Variants in MED14 observed in about 807,000 individuals in gnomAD.
The protein encoded by MED14 is mediator of RNA polymerase II transcription subunit 14.
MED14 carries 8 observed loss-of-function variants against 109.0 expected under a neutral mutation model. The observed-to-expected ratio is 0.07, with a 90% confidence interval of 0.04 to 0.13. MED14 has a LOEUF of 0.13. Among genes scored for constraint, MED14 ranks in the 10% least tolerant of loss-of-function variants. The pLI is 1.00. For missense variants in MED14, 711 were observed against 1,142.4 expected, an observed-to-expected ratio of 0.62 and a Z score of 5.44; for synonymous variants, 399 against 408.7, an observed-to-expected ratio of 0.98 and a Z score of 0.29.
chrX:40,657,283 C>T (rs1008636922), intron 28 of MED14, among the ~76,000 whole-genome samples: 3 of 111,795 alleles, frequency 2.7e-5, no homozygotes, highest in Non-Finnish European at 5.6e-5. Flanking sequence ...ATGATCTTAT[C>T]TGAAAACCAG....
rs1019189580 is a variant in MED14, at chrX:40,680,773, C to G, written c.2595G>C (p.Val865=). The G allele has an allele frequency of 8.3e-7, 1 of 1,201,390 alleles. No homozygotes were observed. Among genetic ancestry groups the G allele is most frequent in the African/African-American group, 1.7e-5 (1 of 57,309 alleles). Reference sequence around the variant, plus strand: ...ACTTAATTACCTGTAATAACTGAACCACATTTGGTGTTTTGTTGAACATTT... The same window carrying G: ...ACTTAATTACCTGTAATAACTGAACGACATTTGGTGTTTTGTTGAACATTT... ...LQEMFNKTPN[V]VQLLQVLFDT... The change falls in exon 20 of 31, where the codon GTG becomes GTC. Residue 865 remains valine (V), a synonymous_variant. Coordinates refer to ENST00000324817, the MANE Select transcript of MED14 (RefSeq NM_004229.4).
chrX:40,684,545 T>C (rs1234225555), intron 16 of MED14, among the ~76,000 whole-genome samples: 1 of 112,242 alleles, frequency 8.9e-6, no homozygotes, highest in Non-Finnish European at 1.9e-5. Flanking sequence ...ATTACAGAAA[T>C]TGCATAAACT....
intron 16 of MED14, among the ~76,000 whole-genome samples, chrX:40,683,623 C>T (rs1930200182): frequency 8.9e-6 from 1 of 111,886 alleles, no homozygotes; most frequent in Admixed American, 9.5e-5. Context: ...CTCAGCCTCC[C>T]GAGTAGCTAG....
chrX:40,652,483 T>G (rs1928913186), intron 30 of MED14, among the ~76,000 whole-genome samples: 1 of 112,292 alleles, frequency 8.9e-6, no homozygotes, highest in Admixed American at 9.4e-5. Flanking sequence ...CTAGTGGCAG[T>G]TATACTGGAC....
chrX:40,669,166 G>A (rs368767632), intron 23 of MED14, among the ~76,000 whole-genome samples: 13 of 112,174 alleles, frequency 1.2e-4, no homozygotes, highest in East Asian at 5.6e-4. Context: ...AGGATTAAAC[G>A]GGTAAAGTGC....
At chrX:40,699,135 A>G (rs747943711) in intron 12 of MED14, among the ~76,000 whole-genome samples, 10 of 112,552 alleles carry the variant, frequency 8.9e-5, no homozygotes, top group South Asian at 3.6e-4. Context: ...CCTTGAAAAC[A>G]TTATGCTAAG....
Position 40,650,041 on chromosome X carries a change from T to C in MED14, c.*1765A>G, listed in dbSNP as rs750448068. ...ATTATCCTGCAGATAAAAATACATTTCTTGTATATACATGTAGATTTCTAC... is the reference window on the plus strand; with the variant it reads ...ATTATCCTGCAGATAAAAATACATTCCTTGTATATACATGTAGATTTCTAC... On this transcript the variant is annotated 3_prime_UTR_variant, in exon 31 of 31. Coordinates refer to ENST00000324817, the MANE Select transcript of MED14 (RefSeq NM_004229.4). 37 of 743,245 alleles carry C rather than the reference T, an allele frequency of 5.0e-5. No individual in the cohort carries two copies. The highest frequency in any genetic ancestry group is 5.9e-5 in the Non-Finnish European group (37 of 629,986). 61.3% of individuals were successfully genotyped at this position (743,245 alleles called of 1,213,427 possible). A position where few individuals can be genotyped will look rare whatever the true frequency, so the allele number is the denominator to read the frequency against.
chrX:40,701,071 G>T, intron 12 of MED14, 94 bp downstream of exon 12: 1 of 575,472 alleles, frequency 1.7e-6, no homozygotes, highest in Non-Finnish European at 2.8e-6. Context: ...AAACCTTAAG[G>T]ACAGTGAATG....
Position 40,712,273 on chromosome X carries a change from T to C in MED14, c.802A>G (p.Ser268Gly), listed in dbSNP as rs1191348900. 1 of 1,205,525 alleles carries C rather than the reference T, an allele frequency of 8.3e-7. No homozygotes were observed. The highest frequency in any genetic ancestry group is 1.1e-6 in the Non-Finnish European group (1 of 891,939). The change falls in exon 7 of 31, where the codon AGC becomes GGC. Residue 268 changes from serine (S) to glycine (G), a missense_variant. Around this residue, in one of 8 missense-constraint regions of MED14, gnomAD observed 388 missense variants for 517.3 expected, o/e 0.75. Transcript: ENST00000324817. ...TGATGGATGAAGCTGATTTGCATGC[T>C]ATGAACCAAAGCTCGCCCATCTTCC... Reference protein sequence around the residue: ...ETGDGRALVHSMQISFIHQLV... With the variant: ...ETGDGRALVHGMQISFIHQLV...
Position 40,694,091 on chromosome X carries a change from G to A in MED14, c.1651-1189C>T, listed in dbSNP as rs539508083. ...TTTTTGTATTTTTATTAGAGGTGGG[G>A]TTTTGCCATGTTGTCCAAGCTGGTC... On this transcript the variant is annotated intron_variant, in intron 13 of 30. Transcript: ENST00000324817. Among the ~76,000 whole-genome samples, 8 of 111,182 alleles carry A rather than the reference G, an allele frequency of 7.2e-5. No homozygotes were observed. In the South Asian group the frequency reaches 3.0e-3, roughly 42 times the overall value.
chrX:40,666,327 A>C (rs6610454), intron 24 of MED14, among the ~76,000 whole-genome samples: 125 of 110,290 alleles, frequency 1.1e-3, no homozygotes, highest in African/African-American at 3.8e-3. Context: ...TGAGTTCAAA[A>C]GTTAAAAAAT....
At chrX:40,675,533 C>G (rs1199934122) in intron 21 of MED14, among the ~76,000 whole-genome samples, 172 bp from the exon 22 acceptor site, 1 of 111,825 alleles carries the variant, frequency 8.9e-6, no homozygotes, top group Admixed American at 9.5e-5. Flanking sequence ...CTGAGGAAAA[C>G]AGTTAACAAA....
chrX:40,673,490 T>C (rs1451739379), intron 22 of MED14, among the ~76,000 whole-genome samples: 1 of 112,079 alleles, frequency 8.9e-6, no homozygotes, highest in African/African-American at 3.2e-5. Context: ...TCATGTTCAG[T>C]ATGAAATGTT....
Position 40,663,177 on chromosome X carries a change from CATGTT to C in MED14, c.3449-22_3449-18del, listed in dbSNP as rs1569279743. On this transcript the variant is annotated intron_variant, in intron 25 of 30. Transcript: ENST00000324817. ...TTTGAGAACCTTTTGGGAAGGAAAA[CATGTT>C]ATGTCATTTACAAATACATACTATC... The C allele has an allele frequency of 1.8e-6, 2 of 1,107,551 alleles. No homozygotes were observed. The highest frequency in any genetic ancestry group is 2.5e-6 in the Non-Finnish European group (2 of 805,417). 91.3% of individuals were successfully genotyped at this position (1,107,551 alleles called of 1,213,427 possible). A position where few individuals can be genotyped will look rare whatever the true frequency, so the allele number is the denominator to read the frequency against.
At chrX:40,699,465 G>A (rs1930842849) in intron 12 of MED14, among the ~76,000 whole-genome samples, 1 of 111,857 alleles carries the variant, frequency 8.9e-6, no homozygotes, top group Admixed American at 9.5e-5. Context: ...GTGATAAACT[G>A]GTCATTCACC....
At chrX:40,686,100 G>A (rs1312571337) in intron 16 of MED14, among the ~76,000 whole-genome samples, 1 of 110,836 alleles carries the variant, frequency 9.0e-6, no homozygotes, top group Admixed American at 9.6e-5. Flanking sequence ...AGCACTTACT[G>A]GACCAACAGT....
intron 5 of MED14, 54 bp downstream of exon 5, chrX:40,713,724 T>A: frequency 2.5e-6 from 3 of 1,183,518 alleles, no homozygotes; most frequent in Non-Finnish European, 3.4e-6. Context: ...ATTACAGGCA[T>A]GAGCCACCGC....
intron 3 of MED14, among the ~76,000 whole-genome samples, chrX:40,715,718 G>A (rs1313345250): frequency 4.7e-5 from 5 of 105,355 alleles, no homozygotes; most frequent in African/African-American, 1.4e-4. Context: ...CCCGGAAGGC[G>A]GAGGTTGCAG....
At chrX:40,662,830 A>G (rs1414471339) in intron 26 of MED14, 95 bp downstream of exon 26, 1 of 614,367 alleles carries the variant, frequency 1.6e-6, no homozygotes, top group Non-Finnish European at 2.5e-6. Flanking sequence ...AGGGAAGGTG[A>G]AGGAATGTCA....
Sources: gnomAD v4.1 joint callset for allele counts (sites outside exome capture counted in the v4.1 genomes callset) on GRCh38, gnomAD v4.1.1 for gene constraint, gnomAD v4.1.1 regional missense constraint, MANE v1.5 for transcripts, NCBI Gene and HGNC (gene_info 2026-07-23, HGNC 2026-07-21) for gene names.